The following ZNF676 variants were observed in gnomAD, a reference collection of about 807,000 sequenced individuals.
The protein encoded by ZNF676 is zinc finger protein 676.
In ZNF676, 4 loss-of-function variants were observed where a neutral mutation model predicts 6.0. That is an observed-to-expected ratio of 0.67 (90% CI 0.33 to 1.53). ZNF676 has a LOEUF of 1.53. ZNF676 is among the 40% of genes most tolerant of loss of function. The pLI, the probability that ZNF676 is intolerant of heterozygous loss-of-function variation, is 0.06. For synonymous variants in ZNF676, 198 were observed against 223.1 expected (o/e 0.89, Z 1.00); for missense variants, 644 against 679.7 (o/e 0.95, Z 0.58).
In ZNF676 at chr19:22,181,157, T is replaced by TA; in HGVS notation, c.559dup (p.Tyr187LeufsTer2). The TA allele has an allele frequency of 3.7e-6, 6 of 1,613,972 alleles. No individual in the cohort carries two copies. In the East Asian group the frequency reaches 1.3e-4, roughly 36 times the overall value. ...TTTCTCTCCAGTATGAATACTCTTA[T>TA]AATAAGTAAGGGTTGAGGACCAGTT... On this transcript the variant is annotated frameshift_variant, in exon 3 of 3. Coordinates refer to ENST00000397121, the MANE Select transcript of ZNF676 (RefSeq NM_001001411.3). LOFTEE classifies it low-confidence loss of function (END_TRUNC).
upstream of ZNF676, among the ~76,000 whole-genome samples, chr19:22,197,575 T>G (rs930688183): frequency 5.9e-5 from 9 of 152,134 alleles, no homozygotes; most frequent in South Asian, 4.1e-4. Context: ...AAACATCCAG[T>G]AATAGAATGA....
the ZNF676 span, among the ~76,000 whole-genome samples, chr19:22,259,176 C>T: frequency 6.6e-6 from 1 of 152,178 alleles, no homozygotes; most frequent in East Asian, 1.9e-4. Flanking sequence ...CCAAACATGT[C>T]ACAATAGCCT....
At chr19:22,218,335 T>C (rs751265256), upstream of ZNF676, among the ~76,000 whole-genome samples, 1 of 151,966 alleles carries the variant, frequency 6.6e-6, no homozygotes, top group Admixed American at 6.6e-5. Context: ...GATACTTTTT[T>C]TTTATTTTTA....
At chr19:22,212,110 G>C (rs1945784908) in intron 1 of ZNF676, among the ~76,000 whole-genome samples, 1 of 150,060 alleles carries the variant, frequency 6.7e-6, no homozygotes, top group Admixed American at 6.7e-5. Flanking sequence ...TGAAGCAGGA[G>C]AATGGTGTGA....
At chr19:22,228,210 C>A in the ZNF676 span, among the ~76,000 whole-genome samples, 1 of 152,166 alleles carries the variant, frequency 6.6e-6, no homozygotes, top group Non-Finnish European at 1.5e-5. Flanking sequence ...ATACACAAAT[C>A]AATAAACGTA....
the ZNF676 span, among the ~76,000 whole-genome samples, chr19:22,237,636 A>C: frequency 6.6e-6 from 1 of 152,214 alleles, no homozygotes; most frequent in Admixed American, 6.5e-5. Flanking sequence ...AGGCCATCAC[A>C]GTTGCCTCAG....
At chr19:22,187,359 A>T (rs1205985817) in intron 2 of ZNF676, among the ~76,000 whole-genome samples, 7 of 152,228 alleles carry the variant, frequency 4.6e-5, no homozygotes, top group Non-Finnish European at 1.5e-5. Flanking sequence ...TCTCTGGGAC[A>T]CAGACAAAGC....
the ZNF676 span, among the ~76,000 whole-genome samples, chr19:22,250,680 G>A: frequency 2.0e-5 from 3 of 151,700 alleles, no homozygotes; most frequent in Non-Finnish European, 2.9e-5. Context: ...CCCTGTGCAG[G>A]GTTCCTGACC....
chr19:22,188,343 G>A (rs1007000534), intron 2 of ZNF676, among the ~76,000 whole-genome samples: 1 of 152,096 alleles, frequency 6.6e-6, no homozygotes, highest in Non-Finnish European at 1.5e-5. Flanking sequence ...ACTAAACTAG[G>A]TAGAGATGGA....
At chr19:22,238,087 G>T in the ZNF676 span, among the ~76,000 whole-genome samples, 4 of 152,118 alleles carry the variant, frequency 2.6e-5, no homozygotes, top group Admixed American at 6.6e-5. Flanking sequence ...ATTGAACTTA[G>T]GACAACCAGC....
the ZNF676 span, among the ~76,000 whole-genome samples, chr19:22,252,649 G>T: frequency 1.2e-4 from 18 of 152,330 alleles, no homozygotes; most frequent in African/African-American, 3.8e-4. Context: ...CCTTCTGTAG[G>T]CAGAGGACAG....
upstream of ZNF676, among the ~76,000 whole-genome samples, chr19:22,198,721 TG>T (rs1255417919): frequency 6.6e-6 from 1 of 151,962 alleles, no homozygotes; most frequent in African/African-American, 2.4e-5. Flanking sequence ...GCAGAAGAGA[TG>T]AAGAAACAAT....
chr19:22,240,178 A>G, the ZNF676 span, among the ~76,000 whole-genome samples: 1 of 152,214 alleles, frequency 6.6e-6, no homozygotes, highest in Admixed American at 6.5e-5. Flanking sequence ...GTTGGGACCA[A>G]AGATATGTAT....
chr19:22,238,008 C>A, the ZNF676 span, among the ~76,000 whole-genome samples: 1 of 152,144 alleles, frequency 6.6e-6, no homozygotes, highest in East Asian at 1.9e-4. Context: ...AGATTTGAGG[C>A]TCAGTAACTG....
In ZNF676 at chr19:22,204,256, T is replaced by G. The variant is rs2024055129; in HGVS notation, c.4-7530A>C. On this transcript the variant is annotated intron_variant, in intron 1 of 3. Coordinates refer to the ZNF676 transcript ENST00000650058. Reference sequence around the variant, plus strand: ...TGTAACAATTTAATGGTAAAATTTTTGGGATAGCAGATATGAATATATAAG... The same window carrying G: ...TGTAACAATTTAATGGTAAAATTTTGGGGATAGCAGATATGAATATATAAG... 3.3e-5 allele frequency among the ~76,000 whole-genome samples: 5 copies of G among 152,300 alleles called. 1 individual carries two copies. The South Asian group carries it at 6.2e-4, about 19-fold the overall frequency.
At chr19:22,234,991 AGAAAGAAAGAAAG>A in the ZNF676 span, among the ~76,000 whole-genome samples, 1 of 111,646 alleles carries the variant, frequency 9.0e-6, no homozygotes, top group African/African-American at 3.7e-5. Flanking sequence ...AAAGAAAGAA[AGAAAGAAAGAAAG>A]AAAGAAAGAA....
At chr19:22,182,989 A>T (rs916328535) in intron 2 of ZNF676, among the ~76,000 whole-genome samples, 1 of 152,132 alleles carries the variant, frequency 6.6e-6, no homozygotes, top group Non-Finnish European at 1.5e-5. Context: ...ACTTAGCAAC[A>T]TCAGTGAAAA....
chr19:22,242,780 G>T, the ZNF676 span, among the ~76,000 whole-genome samples: 3 of 151,534 alleles, frequency 2.0e-5, no homozygotes, highest in Non-Finnish European at 4.4e-5. Flanking sequence ...TAAGGCTCAG[G>T]AATAAGGTAA....
chr19:22,239,598 T>C, the ZNF676 span, among the ~76,000 whole-genome samples: 1 of 152,202 alleles, frequency 6.6e-6, no homozygotes, highest in African/African-American at 2.4e-5. Context: ...ACAATCTCAC[T>C]TGCATACTGG....
Sources: allele counts gnomAD v4.1 joint callset (sites outside exome capture counted in the v4.1 genomes callset), GRCh38; gene constraint gnomAD v4.1.1; transcripts MANE v1.5; gene names NCBI Gene and HGNC (gene_info 2026-07-23, HGNC 2026-07-21).